RETREG1: variants seen among roughly 807,000 people sequenced by gnomAD.
RETREG1 encodes the protein reticulophagy regulator 1, also known as family with sequence similarity 134 member B.
In RETREG1, 44 loss-of-function variants were observed where a neutral mutation model predicts 54.8. The ratio of observed to expected loss-of-function variants is 0.80; its 90% CI spans 0.63 to 1.03. The LOEUF (loss-of-function observed/expected upper bound fraction) is 1.03. Among genes scored for constraint, RETREG1 ranks in the 50% least tolerant of loss-of-function variants. The pLI is 0.00. For missense variants in RETREG1, 554 were observed against 605.1 expected, an observed-to-expected ratio of 0.92 and a Z score of 0.89; for synonymous variants, 217 against 238.5, an observed-to-expected ratio of 0.91 and a Z score of 0.83.
intron 3 of RETREG1, among the ~76,000 whole-genome samples, chr5:16,491,806 T>C (rs558882281): frequency 6.6e-6 from 1 of 152,300 alleles, no homozygotes; most frequent in African/African-American, 2.4e-5. Context: ...GAGTATCCCT[T>C]GATCCCCAGA....
chr5:16,547,573 A>C (rs1302908094), intron 3 of RETREG1, among the ~76,000 whole-genome samples: 4 of 152,178 alleles, frequency 2.6e-5, no homozygotes, highest in Admixed American at 2.0e-4. Context: ...AGTAGCATTG[A>C]TTTAGGCTGC....
At chr5:16,493,047 C>G (rs892120382) in intron 3 of RETREG1, among the ~76,000 whole-genome samples, 2 of 152,110 alleles carry the variant, frequency 1.3e-5, no homozygotes, top group African/African-American at 4.8e-5. Flanking sequence ...CCGGAGAGCC[C>G]CATCTTCCTC....
At chr5:16,493,595 A>G (rs1361717156) in intron 3 of RETREG1, among the ~76,000 whole-genome samples, 1 of 148,466 alleles carries the variant, frequency 6.7e-6, no homozygotes, top group Non-Finnish European at 1.5e-5. Context: ...ATTTAGATAT[A>G]AGTCTTTTCT....
At position 16,512,092 on chromosome 5, in the gene RETREG1, G is replaced by T. The variant is rs114537767; in HGVS notation, c.459-28620C>A. Among the ~76,000 whole-genome samples the T allele has an allele frequency of 4.6e-3, 703 of 152,298 alleles. 8 individuals are homozygous for T. The highest frequency in any genetic ancestry group is 0.016 in the African/African-American group (668 of 41,542). ...CTAACATGGCTTCTTCACCCAGATG[G>T]CACCTTTCACCCTGCTGGGGACTAA... On this transcript the variant is annotated intron_variant, in intron 3 of 8. Coordinates refer to ENST00000306320, the MANE Select transcript of RETREG1 (RefSeq NM_001034850.3).
In RETREG1 at chr5:16,475,013, G is replaced by A; in HGVS notation, c.1222C>T (p.Leu408=). ...ACATCCCCAGCCAGGTTGCTCATCA[G>A]GTGAAAGGTTTGGTCACTGTTCAGA... The part of the protein sequence containing the change: ...LPLNSDQTFH[L]MSNLAGDVIT... The change falls in exon 9 of 9, where the codon CTG becomes TTG. Residue 408 remains leucine (L), a synonymous_variant. Transcript: ENST00000306320. 6.2e-7 allele frequency: 1 copy of A among 1,613,686 alleles called. No homozygotes were observed. Among genetic ancestry groups the A allele is most frequent in the Non-Finnish European group, 8.5e-7 (1 of 1,179,724 alleles).
chr5:16,477,854 C>G, intron 7 of RETREG1, 66 bp from the exon 8 acceptor site: 7 of 1,577,546 alleles, frequency 4.4e-6, no homozygotes, highest in Non-Finnish European at 6.1e-6. Flanking sequence ...TTTGAAAAAT[C>G]CATATGAACC....
chr5:16,479,079 T>A, intron 5 of RETREG1, 92 bp from the exon 6 acceptor site: 1 of 1,291,978 alleles, frequency 7.7e-7, no homozygotes, highest in Non-Finnish European at 1.1e-6. Context: ...ATTTCTTTAC[T>A]GAAAAACTTA....
intron 3 of RETREG1, among the ~76,000 whole-genome samples, chr5:16,560,659 T>C (rs1741829465): frequency 6.6e-6 from 1 of 152,188 alleles, no homozygotes; most frequent in South Asian, 2.1e-4. Flanking sequence ...CCTGTGAATG[T>C]GGAGGTGAAA....
At chr5:16,525,614 T>A (rs1311722164) in intron 3 of RETREG1, among the ~76,000 whole-genome samples, 1 of 152,038 alleles carries the variant, frequency 6.6e-6, no homozygotes, top group South Asian at 2.1e-4. Context: ...ACATTACAGA[T>A]CCCCAGACAA....
intron 3 of RETREG1, among the ~76,000 whole-genome samples, chr5:16,544,129 C>T (rs1424769470): frequency 6.6e-6 from 1 of 151,926 alleles, no homozygotes; most frequent in Non-Finnish European, 1.5e-5. Flanking sequence ...GCGCCCACCA[C>T]CACACCAAGC....
intron 1 of RETREG1, among the ~76,000 whole-genome samples, chr5:16,600,614 G>A (rs1405361134): frequency 6.6e-6 from 1 of 152,060 alleles, no homozygotes; most frequent in African/African-American, 2.4e-5. Context: ...GGAGAGGTCA[G>A]CATGCTGATG....
intron 3 of RETREG1, among the ~76,000 whole-genome samples, chr5:16,506,150 C>T (rs1561094400): frequency 6.6e-6 from 1 of 152,238 alleles, no homozygotes. Context: ...GGGCCCTACA[C>T]CTGGATACAC....
chr5:16,588,862 G>A (rs1001009414), intron 1 of RETREG1, among the ~76,000 whole-genome samples: 3 of 152,182 alleles, frequency 2.0e-5, no homozygotes, highest in East Asian at 1.9e-4. Context: ...AGAAGCAACC[G>A]TCTAATTTGT....
intron 1 of RETREG1, among the ~76,000 whole-genome samples, chr5:16,613,095 G>T (rs1345278177): frequency 1.0e-5 from 1 of 98,916 alleles, no homozygotes; most frequent in African/African-American, 4.3e-5. Flanking sequence ...CTTCTACAAA[G>T]TATTTTTTTT....
chr5:16,508,844 G>T, intron 3 of RETREG1: 1 of 1,414,624 alleles, frequency 7.1e-7, no homozygotes, highest in Non-Finnish European at 9.2e-7. Flanking sequence ...TAGGAGCTGG[G>T]TTATTATCAC....
chr5:16,606,571 G>A (rs917763163), intron 1 of RETREG1, among the ~76,000 whole-genome samples: 2 of 152,084 alleles, frequency 1.3e-5, no homozygotes, highest in South Asian at 4.1e-4. Flanking sequence ...CGCAACCTCA[G>A]CCACCCTTGC....
intron 1 of RETREG1, among the ~76,000 whole-genome samples, chr5:16,589,482 C>A (rs1742702656): frequency 6.6e-6 from 1 of 152,224 alleles, no homozygotes; most frequent in East Asian, 1.9e-4. Context: ...TCAAGTGATT[C>A]TCCTGCCTCA....
At chr5:16,500,167 T>C (rs1322638850) in intron 3 of RETREG1, among the ~76,000 whole-genome samples, 2 of 152,168 alleles carry the variant, frequency 1.3e-5, no homozygotes, top group Non-Finnish European at 2.9e-5. Context: ...TCTTGACATA[T>C]GCACAGAGCC....
chr5:16,525,122 G>GC, intron 3 of RETREG1, among the ~76,000 whole-genome samples: 1 of 98,060 alleles, frequency 1.0e-5, no homozygotes, highest in African/African-American at 4.2e-5. Context: ...GTGGATGTGC[G>GC]TGGGGGACAC....
Sources: allele counts gnomAD v4.1 joint callset (sites outside exome capture counted in the v4.1 genomes callset), GRCh38; gene constraint gnomAD v4.1.1; transcripts MANE v1.5; gene names NCBI Gene and HGNC (gene_info 2026-07-23, HGNC 2026-07-21).